Variants in LVRN observed in about 807,000 individuals in gnomAD.
LVRN encodes the protein aminopeptidase Q.
LVRN carries 99 observed loss-of-function variants against 111.4 expected under a neutral mutation model. That is an observed-to-expected ratio of 0.89 (90% confidence interval 0.76 to 1.05). LVRN has a LOEUF of 1.05. Ranked by LOEUF, LVRN falls within the 50% of genes least tolerant of loss-of-function variation. The pLI, the probability that LVRN is intolerant of heterozygous loss-of-function variation, is 0.00. For synonymous variants in LVRN, 488 were observed against 449.5 expected (o/e 1.09, Z -1.08); for missense variants, 1,414 against 1,206.8 (o/e 1.17, Z -2.54).
At position 115,963,299 on chromosome 5, in the gene LVRN, C is replaced by T; in HGVS notation, c.682C>T (p.Gln228Ter). 2 of 1,609,082 alleles carry T rather than the reference C, an allele frequency of 1.2e-6. No individual in the cohort carries two copies. The highest frequency in any genetic ancestry group is 1.7e-6 in the Non-Finnish European group (2 of 1,178,140). The part of the protein sequence containing the change: ...EGLFLNVYTD[Q>*]GERRALLASQ... ...ACTCTTCCTCAACGTCTACACCGAC[C>T]AGGGCGAGCGCAGGTAAGGGCTGTA... Residue 228 changes from glutamine to a stop codon, truncating the protein, a stop_gained, in exon 1 of 20, where the codon CAG (glutamine) becomes TAG (stop). Transcript: ENST00000357872. LOFTEE classifies it high-confidence loss of function.
Position 116,026,369 on chromosome 5 carries a change from A to G in LVRN, c.*251A>G. 2.1e-6 allele frequency: 1 copy of G among 476,782 alleles called. No individual in the cohort carries two copies. Among genetic ancestry groups the G allele is most frequent in the South Asian group, 2.3e-5 (1 of 44,132 alleles). The allele number at this position is 476,782 out of a possible 1,614,324, so 29.5% of individuals were successfully genotyped here. Reference sequence around the variant, plus strand: ...TCATGTTGGGTTATAATCCCACAGAATTTACTTTAAATGTCACGTAAAAAC... The same window carrying G: ...TCATGTTGGGTTATAATCCCACAGAGTTTACTTTAAATGTCACGTAAAAAC... On this transcript the variant is annotated 3_prime_UTR_variant, in exon 20 of 20. Transcript: ENST00000357872.
chr5:116,003,962 A>G (rs1432204252), intron 12 of LVRN, among the ~76,000 whole-genome samples: 1 of 152,184 alleles, frequency 6.6e-6, no homozygotes, highest in Non-Finnish European at 1.5e-5. Context: ...TTTCCTATTA[A>G]CCATTAGTTT....
rs769506577 is a variant in LVRN at position 115,962,533 on chromosome 5, T to C, written c.-85T>C. ...CGATACAAGAGAGGAGGGGCAGGGG[T>C]CGCAGCACTGAACACCCTGGCCGGG... On this transcript the variant is annotated 5_prime_UTR_variant, in exon 1 of 20. Transcript: ENST00000357872. 3 of 1,222,350 alleles carry C rather than the reference T, an allele frequency of 2.5e-6. No homozygotes were observed. In the South Asian group the frequency reaches 4.0e-5, roughly 16 times the overall value. 75.7% of individuals were successfully genotyped at this position (1,222,350 alleles called of 1,614,324 possible).
intron 14 of LVRN, among the ~76,000 whole-genome samples, chr5:116,011,383 A>T (rs555980131): frequency 5.4e-4 from 82 of 152,290 alleles, no homozygotes; most frequent in Non-Finnish European, 8.5e-4. Context: ...GATATTAGGA[A>T]AAGAAAGAGA....
intron 12 of LVRN, 149 bp downstream of exon 12, chr5:116,003,529 TAAC>T: frequency 4.3e-6 from 2 of 465,674 alleles, no homozygotes; most frequent in Non-Finnish European, 7.2e-6. Context: ...TTCTTATTCT[TAAC>T]AAGTGGAGAT....
At chr5:115,987,529 A>G (rs1747893017) in intron 3 of LVRN, among the ~76,000 whole-genome samples, 1 of 152,212 alleles carries the variant, frequency 6.6e-6, no homozygotes, top group Non-Finnish European at 1.5e-5. Context: ...CTGTAGGGGT[A>G]GATGCTGGTA....
Position 116,000,483 on chromosome 5 carries a change from T to C in LVRN, c.1566T>C (p.Phe522=), listed in dbSNP as rs766223023. The C allele has an allele frequency of 1.2e-6, 2 of 1,614,186 alleles. No homozygotes were observed. The highest frequency in any genetic ancestry group is 3.3e-5 in the Admixed American group (2 of 60,030). ...MLSCFLNEHL[F]VSALKSYLKT... The stretch of plus-strand genomic sequence containing the variant: ...CTTGTTTCTTGAATGAGCATTTATT[T>C]GTCAGTGCACTCAAGGTGAGTTTGC... Residue 522 remains phenylalanine, a synonymous_variant, in exon 8 of 20, where the codon TTT becomes TTC. Coordinates refer to ENST00000357872, the MANE Select transcript of LVRN (RefSeq NM_173800.5).
At chr5:116,011,475 T>A (rs1455029193) in intron 14 of LVRN, among the ~76,000 whole-genome samples, 1 of 152,078 alleles carries the variant, frequency 6.6e-6, no homozygotes, top group Non-Finnish European at 1.5e-5. Flanking sequence ...TAAACAGTAA[T>A]TATAGGAAAA....
At chr5:116,002,411 A>G (rs1278767534) in intron 10 of LVRN, among the ~76,000 whole-genome samples, 1 of 152,214 alleles carries the variant, frequency 6.6e-6, no homozygotes, top group Non-Finnish European at 1.5e-5. Context: ...AGAATGCTTG[A>G]GGCTGAAAGT....
At chr5:116,018,321 T>C (rs1283212052) in intron 18 of LVRN, among the ~76,000 whole-genome samples, 1 of 152,202 alleles carries the variant, frequency 6.6e-6, no homozygotes, top group Non-Finnish European at 1.5e-5. Flanking sequence ...ACTTCTTAAT[T>C]ATTTATTTTA....
At chr5:115,986,267 C>T (rs764949929) in intron 3 of LVRN, among the ~76,000 whole-genome samples, 2 of 152,128 alleles carry the variant, frequency 1.3e-5, no homozygotes, top group Non-Finnish European at 2.9e-5. Context: ...TTTAAATCTG[C>T]TCAGGCATGA....
chr5:116,002,064 G>C (rs987034544), intron 10 of LVRN, among the ~76,000 whole-genome samples: 3 of 152,200 alleles, frequency 2.0e-5, no homozygotes, highest in African/African-American at 7.2e-5. Flanking sequence ...TTTTCAGATA[G>C]TTCTACTCTT....
At chr5:116,023,518 G>A (rs759768704) in intron 19 of LVRN, 1 of 152,144 alleles carries the variant, frequency 6.6e-6, no homozygotes, top group African/African-American at 2.4e-5. Context: ...CTGTGTCCAG[G>A]GAAGATGGAA....
intron 4 of LVRN, among the ~76,000 whole-genome samples, chr5:115,989,145 G>T (rs545506154): frequency 6.6e-6 from 1 of 152,118 alleles, no homozygotes; most frequent in African/African-American, 2.4e-5. Context: ...GATCTTTCCA[G>T]AGAAAATCTG....
chr5:116,003,527 CTTAACAAGTGGAGATTTTGA>C, intron 12 of LVRN, 147 bp downstream of exon 12: 1 of 446,784 alleles, frequency 2.2e-6, no homozygotes, highest in Non-Finnish European at 3.7e-6. Flanking sequence ...TTTTCTTATT[CTTAACAAGTGGAGATTTTGA>C]TTAAATGTGT....
At chr5:116,025,757 C>T (rs1748850181) in intron 19 of LVRN, among the ~76,000 whole-genome samples, 1 of 152,164 alleles carries the variant, frequency 6.6e-6, no homozygotes, top group Non-Finnish European at 1.5e-5. Flanking sequence ...GCTTCATGCA[C>T]CTTCCTGTCT....
At position 116,012,367 on chromosome 5, in the gene LVRN, T is replaced by C; in HGVS notation, c.2248-7T>C. On this transcript the variant is annotated splice_region_variant and splice_polypyrimidine_tract_variant and intron_variant, in intron 14 of 19. Coordinates refer to ENST00000357872, the MANE Select transcript of LVRN (RefSeq NM_173800.5). ...AACTAACAGTGTATTTTCTTTATTG[T>C]TTATAGAGGTACCTATTAAAGAGAC... is the stretch of plus-strand genomic sequence containing the variant. 1 of 1,395,066 alleles carries C rather than the reference T, an allele frequency of 7.2e-7. No individual in the cohort carries two copies. The allele number at this position is 1,395,066 out of a possible 1,614,324, so 86.4% of individuals were successfully genotyped here.
intron 3 of LVRN, among the ~76,000 whole-genome samples, chr5:115,985,715 C>T (rs1340175623): frequency 6.6e-6 from 1 of 152,208 alleles, no homozygotes; most frequent in African/African-American, 2.4e-5. Flanking sequence ...AAAGTCAGCA[C>T]TCTGTCCTGA....
At chr5:115,977,998 A>ATTT (rs1753483236) in intron 1 of LVRN, among the ~76,000 whole-genome samples, 1 of 152,236 alleles carries the variant, frequency 6.6e-6, no homozygotes, top group Non-Finnish European at 1.5e-5. Context: ...AAATTAGGAT[A>ATTT]TTTTGGGGGG....
Sources: allele counts gnomAD v4.1 joint callset (sites outside exome capture counted in the v4.1 genomes callset), GRCh38; gene constraint gnomAD v4.1.1; transcripts MANE v1.5; gene names NCBI Gene and HGNC (gene_info 2026-07-23, HGNC 2026-07-21).